Variants in SART3 observed in about 807,000 individuals in gnomAD.
The protein encoded by SART3 is HIV-1 Tat-interacting protein of 110kDa.
A neutral mutation model predicts 122.3 loss-of-function variants in SART3; 44 were observed. The ratio of observed to expected loss-of-function variants is 0.36; its 90% CI spans 0.28 to 0.46. The LOEUF is 0.46. Among genes scored for constraint, SART3 ranks in the 20% least tolerant of loss-of-function variants. SART3 has a pLI of 1.00. For synonymous variants in SART3, 442 were observed against 454.0 expected, an observed-to-expected ratio of 0.97 and a Z score of 0.34; for missense variants, 1,101 against 1,229.0, an observed-to-expected ratio of 0.90 and a Z score of 1.56.
intron 6 of SART3, among the ~76,000 whole-genome samples, chr12:108,540,978 A>G (rs750769807): frequency 6.6e-6 from 1 of 152,254 alleles, no homozygotes; most frequent in Non-Finnish European, 1.5e-5. Context: ...AGAAAACTAT[A>G]AAACTTTTAG....
chr12:108,539,829 G>T (rs1873079243), intron 6 of SART3, among the ~76,000 whole-genome samples: 1 of 152,126 alleles, frequency 6.6e-6, no homozygotes, highest in South Asian at 2.1e-4. Flanking sequence ...TAACGAGGAA[G>T]AATTAGTTAC....
At chr12:108,558,424 G>A (rs2030324291) in intron 1 of SART3, among the ~76,000 whole-genome samples, 2 of 152,224 alleles carry the variant, frequency 1.3e-5, no homozygotes, top group African/African-American at 2.4e-5. Flanking sequence ...GTCCTATCCT[G>A]TGTGGTCCAT....
At position 108,526,015 on chromosome 12, in the gene SART3, A is replaced by G. The variant is rs1221367073; in HGVS notation, c.2370+84T>C. Reference sequence around the variant, plus strand: ...AACAGAGCGTAAAACTTCCATGTCTATCCTAAATATCACTGCTGCAGGAAG... The same window carrying G: ...AACAGAGCGTAAAACTTCCATGTCTGTCCTAAATATCACTGCTGCAGGAAG... On this transcript the variant is annotated intron_variant, in intron 16 of 18. Coordinates refer to ENST00000546815, the MANE Select transcript of SART3 (RefSeq NM_014706.4). The G allele has an allele frequency of 3.5e-6, 4 of 1,127,414 alleles. No individual in the cohort carries two copies. The Admixed American group carries it at 5.3e-5, about 15-fold the overall frequency. The allele number at this position is 1,127,414 out of a possible 1,614,324, so 69.8% of individuals were successfully genotyped here. A position where few individuals can be genotyped will look rare whatever the true frequency, so the allele number is the denominator to read the frequency against.
At chr12:108,533,164 A>C (rs796702549) in intron 12 of SART3, among the ~76,000 whole-genome samples, 37 of 152,258 alleles carry the variant, frequency 2.4e-4, no homozygotes, top group Admixed American at 1.3e-3. Flanking sequence ...ACCCCTGAGG[A>C]TCTCCCAGAG....
At chr12:108,533,870 A>G (rs1324868656) in intron 12 of SART3, among the ~76,000 whole-genome samples, 1 of 152,252 alleles carries the variant, frequency 6.6e-6, no homozygotes, top group Non-Finnish European at 1.5e-5. Context: ...CTCTGTCAAT[A>G]TGGTTTCAGA....
At chr12:108,529,059 G>C (rs1212560034) in intron 15 of SART3, among the ~76,000 whole-genome samples, 11 of 152,148 alleles carry the variant, frequency 7.2e-5, no homozygotes, top group Admixed American at 7.2e-4. Flanking sequence ...GGAAGCGGAG[G>C]TTGAAGTGAG....
intron 1 of SART3, 184 bp from the exon 2 acceptor site, chr12:108,549,398 T>C: frequency 3.3e-6 from 2 of 606,914 alleles, no homozygotes; most frequent in East Asian, 5.8e-5. Context: ...AAGAGGCTTT[T>C]GTAACAAACA....
chr12:108,550,241 G>C (rs777967682), intron 1 of SART3, among the ~76,000 whole-genome samples: 4 of 152,006 alleles, frequency 2.6e-5, no homozygotes, highest in Admixed American at 6.6e-5. Flanking sequence ...GAAGTTCTTC[G>C]AACAGAAAAG....
chr12:108,550,469 G>C (rs3815660), intron 1 of SART3, among the ~76,000 whole-genome samples: 112,812 of 152,216 alleles, frequency 0.74, 43,704 homozygotes, highest in East Asian at 0.92. Flanking sequence ...CATTCAAGTG[G>C]TAAAACACGG....
intron 1 of SART3, among the ~76,000 whole-genome samples, chr12:108,553,747 A>C (rs1329179507): frequency 6.6e-6 from 1 of 152,242 alleles, no homozygotes; most frequent in Non-Finnish European, 1.5e-5. Context: ...GAGTGGGGAC[A>C]AGGACCAACC....
intron 17 of SART3, 70 bp from the exon 18 acceptor site, chr12:108,524,576 A>C: frequency 6.9e-7 from 1 of 1,459,726 alleles, no homozygotes; most frequent in African/African-American, 1.4e-5. Context: ...CCTGCAGGGC[A>C]GGCACTGGGC....
At chr12:108,534,702 G>A (rs945467236) in intron 12 of SART3, among the ~76,000 whole-genome samples, 4 of 151,980 alleles carry the variant, frequency 2.6e-5, no homozygotes, top group East Asian at 1.9e-4. Flanking sequence ...AGAAACTGTC[G>A]CTTTCTATCA....
At chr12:108,532,145 T>C (rs1872707044) in intron 13 of SART3, 77 bp downstream of exon 13, 2 of 1,253,050 alleles carry the variant, frequency 1.6e-6, no homozygotes, top group South Asian at 1.2e-5. Context: ...GTCCCCAGAC[T>C]GTAACCAGAT....
At position 108,526,419 on chromosome 12, in the gene SART3, TCTC is replaced by T. The variant is rs746221707; in HGVS notation, c.2047_2049del (p.Glu683del). 7.4e-5 allele frequency: 119 copies of T among 1,614,036 alleles called. No homozygotes were observed. Among genetic ancestry groups the T allele is most frequent in the Admixed American group, 2.7e-4 (16 of 60,002 alleles). On this transcript the variant is annotated inframe_deletion, in exon 16 of 19. Transcript: ENST00000546815. Reference sequence around the variant, plus strand: ...ATGTCCCTCTTCAGGGAGGCTGCCTTCTCCTTCTGCTTCGAAGGGGGCTCCACA... The same window carrying T: ...ATGTCCCTCTTCAGGGAGGCTGCCTTCTTCTGCTTCGAAGGGGGCTCCACA...
At chr12:108,560,776 G>A (rs781450517) in intron 1 of SART3, 67 bp downstream of exon 1, 1 of 1,432,988 alleles carries the variant, frequency 7.0e-7, no homozygotes, top group Non-Finnish European at 9.5e-7. Flanking sequence ...TAGGGAGGCG[G>A]GCCAGGACAT....
chr12:108,525,245 G>A (rs1872317042), intron 17 of SART3, among the ~76,000 whole-genome samples: 1 of 152,238 alleles, frequency 6.6e-6, no homozygotes, highest in East Asian at 1.9e-4. Flanking sequence ...ATTTCCAAGT[G>A]TCTTATTCTT....
chr12:108,554,946 G>A (rs927088145), intron 1 of SART3, among the ~76,000 whole-genome samples: 2 of 152,078 alleles, frequency 1.3e-5, no homozygotes, highest in African/African-American at 2.4e-5. Flanking sequence ...TAAGAGCAAT[G>A]TATAAAAATC....
chr12:108,530,690 A>G (rs1289437623), intron 14 of SART3, among the ~76,000 whole-genome samples: 2 of 152,090 alleles, frequency 1.3e-5, no homozygotes, highest in African/African-American at 2.4e-5. Flanking sequence ...CCCCATCTCT[A>G]CTAAAAAAAT....
chr12:108,530,961 C>G (rs181835911), intron 14 of SART3, among the ~76,000 whole-genome samples: 2 of 152,230 alleles, frequency 1.3e-5, no homozygotes, highest in Admixed American at 1.3e-4. Context: ...TTCATCAATT[C>G]TCGTAAATTT....
Sources: allele counts gnomAD v4.1 joint callset (sites outside exome capture counted in the v4.1 genomes callset), GRCh38; gene constraint gnomAD v4.1.1; transcripts MANE v1.5; gene names NCBI Gene and HGNC (gene_info 2026-07-23, HGNC 2026-07-21).